DNAH10: variants seen among roughly 807,000 people sequenced by gnomAD.
DNAH10 encodes the protein axonemal beta dynein heavy chain 10.
Under a neutral mutation model 506.6 loss-of-function variants are expected in DNAH10, and 348 were observed. That is an observed-to-expected ratio of 0.69 (90% CI 0.63 to 0.75). The LOEUF is 0.75. Ranked by LOEUF, DNAH10 falls within the 30% of genes least tolerant of loss-of-function variation. The probability of loss-of-function intolerance (pLI) is 0.00; values close to 1 mark genes in which losing one functional copy is unlikely to be tolerated. For synonymous variants in DNAH10, 2,059 were observed against 2,198.6 expected, an observed-to-expected ratio of 0.94 and a Z score of 1.78; for missense variants, 5,179 against 5,787.1, an observed-to-expected ratio of 0.89 and a Z score of 3.41.
chr12:123,820,577 T>C lies in DNAH10; in HGVS notation c.4001-3T>C. 1 of 1,612,318 alleles carries C rather than the reference T, an allele frequency of 6.2e-7. No homozygotes were observed. Among genetic ancestry groups the C allele is most frequent in the Non-Finnish European group, 8.5e-7 (1 of 1,179,234 alleles). On this transcript the variant is annotated splice_region_variant and splice_polypyrimidine_tract_variant and intron_variant, in intron 23 of 78. Coordinates refer to ENST00000673944, the MANE Select transcript of DNAH10 (RefSeq NM_001372106.1). Reference sequence around the variant, plus strand: ...TTCACTCATCGGTGTATTTATTTACTAGGAGTAGAGCTTTTAGGTGTTTAT... The same window carrying C: ...TTCACTCATCGGTGTATTTATTTACCAGGAGTAGAGCTTTTAGGTGTTTAT...
At chr12:123,793,614 A>G (rs910251279) in intron 11 of DNAH10, among the ~76,000 whole-genome samples, 1 of 152,224 alleles carries the variant, frequency 6.6e-6, no homozygotes, top group Admixed American at 6.5e-5. Flanking sequence ...CTGGGATTAC[A>G]GGTGTGAGGC....
chr12:123,894,306 G>A lies in DNAH10; in HGVS notation c.9200-337G>A, dbSNP rs201433799. On this transcript the variant is annotated intron_variant, in intron 53 of 78. Coordinates refer to ENST00000673944, the MANE Select transcript of DNAH10 (RefSeq NM_001372106.1). ...GGGTCTCACTCTGTTGCCCAGACTG[G>A]AGTGCAGTGGTGTGATCTTGGCTCA... is the stretch of plus-strand genomic sequence containing the variant. 8.6e-5 allele frequency among the ~76,000 whole-genome samples: 13 copies of A among 151,920 alleles called. No homozygotes were observed. In the East Asian group the frequency reaches 2.5e-3, roughly 29 times the overall value.
chr12:123,913,532 G>A lies in DNAH10; in HGVS notation c.10352+217G>A, dbSNP rs1954329700. ...GAGTGTTATTTATTAATTACTAAGG[G>A]TCAAGGAGGCAGTGCAGCTGTGGAG... On this transcript the variant is annotated intron_variant, in intron 60 of 78. Coordinates refer to ENST00000673944, the MANE Select transcript of DNAH10 (RefSeq NM_001372106.1). This position sits in a 1 kb window ranked among gnomAD's most constrained non-coding sequence, Gnocchi z 5.1. Among the ~76,000 whole-genome samples the A allele has an allele frequency of 6.6e-6, 1 of 152,186 alleles. No homozygotes were observed. The highest frequency in any genetic ancestry group is 1.5e-5 in the Non-Finnish European group (1 of 68,042).
Position 123,835,399 on chromosome 12 carries a change from T to A in DNAH10, c.4780-7T>A. 6.2e-7 allele frequency: 1 copy of A among 1,612,186 alleles called. No homozygotes were observed. Among genetic ancestry groups the A allele is most frequent in the Non-Finnish European group, 8.5e-7 (1 of 1,179,114 alleles). On this transcript the variant is annotated splice_region_variant and splice_polypyrimidine_tract_variant and intron_variant, in intron 27 of 78. Transcript: ENST00000673944. ...CCTGCTGACACTGACCTTTTGTACA[T>A]TTACAGATTTGGATGTTGGTTCAGA... is the stretch of plus-strand genomic sequence containing the variant.
At chr12:123,810,566 G>T (rs575806641) in intron 19 of DNAH10, among the ~76,000 whole-genome samples, 1 of 152,088 alleles carries the variant, frequency 6.6e-6, no homozygotes, top group Non-Finnish European at 1.5e-5. Flanking sequence ...GGTGGCGGGC[G>T]CCTGTGGTCC....
rs1261282836 is a variant in DNAH10 at position 123,820,609 on chromosome 12, G to A, written c.4030G>A (p.Glu1344Lys). The change falls in exon 24 of 79, where the codon GAG becomes AAG. Residue 1344 changes from glutamate to lysine, a missense_variant. Coordinates refer to ENST00000673944, the MANE Select transcript of DNAH10 (RefSeq NM_001372106.1). ...AGAGCTTTTAGGTGTTTATGAAAGA[G>A]AGCTGGCAAGACATGAAAAGAGCCG... ...GVELLGVYER[E>K]LARHEKSRQE... The A allele has an allele frequency of 6.2e-7, 1 of 1,613,836 alleles. No homozygotes were observed. The highest frequency in any genetic ancestry group is 1.3e-5 in the African/African-American group (1 of 74,918).
chr12:123,929,565 G>C, intron 71 of DNAH10, 81 bp downstream of exon 71: 2 of 1,570,912 alleles, frequency 1.3e-6, no homozygotes, highest in Non-Finnish European at 1.7e-6. Flanking sequence ...TTCAACCACA[G>C]CAGGGTTGCA....
Position 123,845,977 on chromosome 12 carries a change from G to A in DNAH10, c.5637G>A (p.Leu1879=). The A allele has an allele frequency of 1.2e-6, 2 of 1,613,942 alleles. No individual in the cohort carries two copies. The change falls in exon 32 of 79, where the codon CTG becomes CTA. Residue 1879 remains leucine, a synonymous_variant. Transcript: ENST00000673944. ...CACCTTTCTTGCCGTCCAGTATCCT[G>A]GAGGCCCGAGAGTTTGACTGGGAAA... ...IVDSFIRGSI[L]EAREFDWESQ...
At chr12:123,816,266 G>T (rs905632629) in intron 21 of DNAH10, among the ~76,000 whole-genome samples, 3 of 152,172 alleles carry the variant, frequency 2.0e-5, no homozygotes, top group Admixed American at 2.0e-4. Flanking sequence ...CATGGGGGCT[G>T]GTTGCCAGAA....
At chr12:123,764,872 A>C (rs2135944196) in intron 1 of DNAH10, among the ~76,000 whole-genome samples, 1 of 152,292 alleles carries the variant, frequency 6.6e-6, no homozygotes, top group South Asian at 2.1e-4. Context: ...TGGAGGTGCC[A>C]GATGGCGTCG....
chr12:123,923,847 A>G lies in DNAH10; in HGVS notation c.11591A>G (p.Glu3864Gly). The change falls in exon 66 of 79, where the codon GAA becomes GGA. Residue 3864 changes from glutamate (E) to glycine (G), a missense_variant. Physicochemically the swap from Glu to Gly is moderately conservative, Grantham distance 98. Around this residue, in one of 3 missense-constraint regions of DNAH10, gnomAD observed 4,844 missense variants for 5,430.5 expected, o/e 0.89. Coordinates refer to ENST00000673944, the MANE Select transcript of DNAH10 (RefSeq NM_001372106.1). ...EQAEGRVPQE[E>G]LDFFLKGNIS... Reference sequence around the variant, plus strand: ...GCAGAAGGGAGAGTCCCTCAAGAAGAACTAGATTTCTTTTTAAAAGGTAAT... The same window carrying G: ...GCAGAAGGGAGAGTCCCTCAAGAAGGACTAGATTTCTTTTTAAAAGGTAAT... 4 of 1,610,308 alleles carry G rather than the reference A, an allele frequency of 2.5e-6. No homozygotes were observed. The highest frequency in any genetic ancestry group is 3.4e-6 in the Non-Finnish European group (4 of 1,178,834).
chr12:123,851,896 C>T (rs1286317857), intron 35 of DNAH10, among the ~76,000 whole-genome samples: 2 of 152,208 alleles, frequency 1.3e-5, no homozygotes, highest in Non-Finnish European at 2.9e-5. Context: ...GCCTCAGCCT[C>T]CTGAGTATTT....
At chr12:123,878,247 G>T (rs528267079) in intron 48 of DNAH10, among the ~76,000 whole-genome samples, 4 of 152,306 alleles carry the variant, frequency 2.6e-5, no homozygotes, top group Non-Finnish European at 4.4e-5. Flanking sequence ...GTTGCCGGTT[G>T]GTTATAGGAT....
chr12:123,800,138 C>T lies in DNAH10; in HGVS notation c.2290-78C>T, dbSNP rs754830822. 28 of 1,437,898 alleles carry T rather than the reference C, an allele frequency of 1.9e-5. No homozygotes were observed. The East Asian group carries it at 6.4e-4, about 33-fold the overall frequency. 89.1% of individuals were successfully genotyped at this position (1,437,898 alleles called of 1,614,324 possible). On this transcript the variant is annotated intron_variant, in intron 14 of 78. Coordinates refer to ENST00000673944, the MANE Select transcript of DNAH10 (RefSeq NM_001372106.1). ...GCCCAGTGTTGATCTTTTTCATGTT[C>T]ACTTTTGGTGTGGGTTGTGTTGATC...
intron 11 of DNAH10, among the ~76,000 whole-genome samples, chr12:123,790,540 A>C (rs1568027): frequency 0.73 from 111,381 of 151,916 alleles, 41,436 homozygotes; most frequent in East Asian, 1. Context: ...ATTGAGGAAG[A>C]TTTGGATGGG....
intron 25 of DNAH10, among the ~76,000 whole-genome samples, chr12:123,827,764 G>C (rs1960140580): frequency 6.6e-6 from 1 of 152,186 alleles, no homozygotes; most frequent in Admixed American, 6.5e-5. Flanking sequence ...TCTCTCGTAA[G>C]TGCTGGCTTG....
In DNAH10 at chr12:123,800,237, C is replaced by T. The variant is rs1486866113; in HGVS notation, c.2311C>T (p.Pro771Ser). The change falls in exon 15 of 79, where the codon CCT (proline) becomes TCT (serine). Residue 771 changes from proline (P) to serine (S), a missense_variant. Physicochemically the swap from Pro to Ser is moderately conservative, Grantham distance 74. Coordinates refer to ENST00000673944, the MANE Select transcript of DNAH10 (RefSeq NM_001372106.1). ...ACAGTCTTCCATCGCCACAGAGGAG[C>T]CTTCGACTTTAGAAAGGGGAGCTGT... is the stretch of plus-strand genomic sequence containing the variant. ...LTKSSIATEEPSTLERGAVFA... is the reference protein window; with the variant it reads ...LTKSSIATEESSTLERGAVFA... The T allele has an allele frequency of 6.2e-7, 1 of 1,613,780 alleles. No individual in the cohort carries two copies. Among genetic ancestry groups the T allele is most frequent in the Non-Finnish European group, 8.5e-7 (1 of 1,179,908 alleles).
chr12:123,857,705 T>C (rs919534684), intron 37 of DNAH10, among the ~76,000 whole-genome samples: 3 of 152,158 alleles, frequency 2.0e-5, no homozygotes, highest in Non-Finnish European at 4.4e-5. Flanking sequence ...TCCAGCCTGG[T>C]GAGAGAGCGA....
intron 24 of DNAH10, among the ~76,000 whole-genome samples, chr12:123,824,710 G>A (rs560741196): frequency 1.5e-4 from 23 of 152,224 alleles, no homozygotes; most frequent in African/African-American, 4.8e-4. Context: ...CTGGCGTTCC[G>A]TGGCTTGCGG....
Sources: allele counts gnomAD v4.1 joint callset (sites outside exome capture counted in the v4.1 genomes callset), GRCh38; gene constraint gnomAD v4.1.1; regional missense constraint gnomAD v4.1.1; non-coding constraint Gnocchi (gnomAD v3.1); transcripts MANE v1.5; gene names NCBI Gene and HGNC (gene_info 2026-07-23, HGNC 2026-07-21).